Variants in RASEF observed in about 807,000 individuals in gnomAD.
RASEF encodes the protein ras and EF-hand domain-containing protein.
Under a neutral mutation model 90.1 loss-of-function variants are expected in RASEF, and 68 were observed. That is an observed-to-expected ratio of 0.75 (90% confidence interval 0.62 to 0.92). The LOEUF (loss-of-function observed/expected upper bound fraction) is 0.92, where lower values mean the gene tolerates loss of function less well. Ranked by LOEUF, RASEF falls within the 40% of genes least tolerant of loss-of-function variation. The probability of loss-of-function intolerance (pLI) is 0.00; values close to 1 mark genes in which losing one functional copy is unlikely to be tolerated. For synonymous variants in RASEF, 331 were observed against 345.2 expected, an observed-to-expected ratio of 0.96 and a Z score of 0.46; for missense variants, 949 against 937.2, an observed-to-expected ratio of 1.01 and a Z score of -0.16.
the RASEF span, among the ~76,000 whole-genome samples, chr9:83,089,222 C>T: frequency 6.6e-6 from 1 of 151,954 alleles, no homozygotes; most frequent in Non-Finnish European, 1.5e-5. Context: ...TTTATTGTCA[C>T]AAATTACATC....
chr9:83,161,272 C>T, the RASEF span, among the ~76,000 whole-genome samples: 5 of 152,202 alleles, frequency 3.3e-5, no homozygotes, highest in Non-Finnish European at 5.9e-5. Context: ...GGGCTGTACC[C>T]TGCAAATCCA....
the RASEF span, among the ~76,000 whole-genome samples, chr9:83,100,685 G>C: frequency 6.6e-6 from 1 of 152,132 alleles, no homozygotes; most frequent in Admixed American, 6.6e-5. Flanking sequence ...TTTGTGACCT[G>C]TACCATACCT....
the RASEF span, among the ~76,000 whole-genome samples, chr9:83,207,873 T>C: frequency 1.4e-3 from 208 of 152,238 alleles, no homozygotes; most frequent in African/African-American, 4.9e-3. Flanking sequence ...CCCAAAGTGT[T>C]GGGATTATAG....
the RASEF span, among the ~76,000 whole-genome samples, chr9:83,107,187 C>A: frequency 6.6e-6 from 1 of 152,180 alleles, no homozygotes; most frequent in Admixed American, 6.5e-5. Flanking sequence ...TCCATACCTA[C>A]CACCACATTC....
chr9:83,155,308 T>A, the RASEF span, among the ~76,000 whole-genome samples: 2 of 152,148 alleles, frequency 1.3e-5, no homozygotes, highest in South Asian at 4.1e-4. Context: ...GATGAAGACA[T>A]ACCCAAGACT....
At chr9:83,003,471 T>C (rs569252768) in intron 9 of RASEF, among the ~76,000 whole-genome samples, 1 of 152,326 alleles carries the variant, frequency 6.6e-6, no homozygotes, top group African/African-American at 2.4e-5. Flanking sequence ...CCCCCCAATT[T>C]GCTTAGAATC....
chr9:83,039,749 T>A (rs910750889), intron 1 of RASEF, among the ~76,000 whole-genome samples: 1 of 152,182 alleles, frequency 6.6e-6, no homozygotes, highest in Non-Finnish European at 1.5e-5. Context: ...CACATTGTTT[T>A]CAATGGGGAT....
At chr9:83,129,852 C>T in the RASEF span, among the ~76,000 whole-genome samples, 3 of 152,154 alleles carry the variant, frequency 2.0e-5, no homozygotes, top group South Asian at 4.1e-4. Flanking sequence ...ATACAACCAA[C>T]AAAACACGTT....
chr9:83,010,564 G>A (rs1811989877), intron 5 of RASEF, among the ~76,000 whole-genome samples: 1 of 152,110 alleles, frequency 6.6e-6, no homozygotes, highest in Admixed American at 6.5e-5. Context: ...CCAGATATGG[G>A]GTTGGAAAGA....
the RASEF span, among the ~76,000 whole-genome samples, chr9:83,139,896 G>A: frequency 6.6e-6 from 1 of 152,014 alleles, no homozygotes; most frequent in African/African-American, 2.4e-5. Flanking sequence ...TACTATATTG[G>A]TTACTAATTT....
the RASEF span, among the ~76,000 whole-genome samples, chr9:83,147,889 C>T: frequency 6.6e-6 from 1 of 152,044 alleles, no homozygotes; most frequent in Non-Finnish European, 1.5e-5. Context: ...CCGAACTCCT[C>T]TCCGACCATC....
chr9:83,159,432 A>G, the RASEF span, among the ~76,000 whole-genome samples: 5 of 152,172 alleles, frequency 3.3e-5, no homozygotes, highest in Admixed American at 3.3e-4. Context: ...TTCAGCTTTT[A>G]TGATTTGCTT....
the RASEF span, among the ~76,000 whole-genome samples, chr9:83,190,145 C>T: frequency 6.6e-6 from 1 of 152,156 alleles, no homozygotes; most frequent in African/African-American, 2.4e-5. Flanking sequence ...ACTTTCCCCA[C>T]AATACTGTAA....
At chr9:83,034,243 A>G (rs1279416648) in intron 1 of RASEF, among the ~76,000 whole-genome samples, 1 of 152,214 alleles carries the variant, frequency 6.6e-6, no homozygotes, top group Non-Finnish European at 1.5e-5. Flanking sequence ...AAAACAAACA[A>G]TGGTCTCCTC....
At chr9:82,991,734 A>G (rs1828819121) in intron 15 of RASEF, among the ~76,000 whole-genome samples, 1 of 152,242 alleles carries the variant, frequency 6.6e-6, no homozygotes, top group Non-Finnish European at 1.5e-5. Context: ...TTGAGGATGC[A>G]GGACTGTGGA....
chr9:83,038,409 T>C (rs1364620526), intron 1 of RASEF, among the ~76,000 whole-genome samples: 1 of 152,122 alleles, frequency 6.6e-6, no homozygotes, highest in East Asian at 1.9e-4. Context: ...ACTGCTGATG[T>C]CAACAATTTC....
At chr9:83,029,508 T>G (rs1395569543) in intron 1 of RASEF, among the ~76,000 whole-genome samples, 1 of 149,878 alleles carries the variant, frequency 6.7e-6, no homozygotes, top group African/African-American at 2.5e-5. Context: ...TTCTCCTACC[T>G]CAGCCTCCTG....
At chr9:83,055,776 G>T in intron 1 of RASEF, 1 of 651,700 alleles carries the variant, frequency 1.5e-6, no homozygotes, top group South Asian at 1.7e-5. Context: ...ATGAAAATAA[G>T]AATATTTGGT....
At chr9:83,172,746 A>G in the RASEF span, among the ~76,000 whole-genome samples, 2 of 151,816 alleles carry the variant, frequency 1.3e-5, no homozygotes, top group Non-Finnish European at 3.0e-5. Flanking sequence ...ATTATTTTTG[A>G]TAGATTTCTC....
Sources: allele counts gnomAD v4.1 joint callset (sites outside exome capture counted in the v4.1 genomes callset), GRCh38; gene constraint gnomAD v4.1.1; transcripts MANE v1.5; gene names NCBI Gene and HGNC (gene_info 2026-07-23, HGNC 2026-07-21).